CSGALNACT1: variants seen among roughly 807,000 people sequenced by gnomAD.
The protein encoded by CSGALNACT1 is beta4GalNAcT-1.
Under a neutral mutation model 51.0 loss-of-function variants are expected in CSGALNACT1, and 52 were observed. The ratio of observed to expected loss-of-function variants is 1.02; its 90% confidence interval spans 0.82 to 1.29. The LOEUF is 1.29. Ranked by LOEUF, CSGALNACT1 falls within the 50% of genes most tolerant of loss-of-function variation. CSGALNACT1 has a pLI of 0.00. For missense variants in CSGALNACT1, 935 were observed against 679.2 expected (o/e 1.38, Z -4.19); for synonymous variants, 341 against 254.4 (o/e 1.34, Z -3.24).
At chr8:19,618,123 T>A (rs1310865607) in intron 1 of CSGALNACT1, among the ~76,000 whole-genome samples, 1 of 152,016 alleles carries the variant, frequency 6.6e-6, no homozygotes, top group Non-Finnish European at 1.5e-5. Flanking sequence ...AAGTGGTCCT[T>A]CTGCCTCACC....
chr8:19,678,454 C>G (rs1475121374), intron 1 of CSGALNACT1: 2 of 152,114 alleles, frequency 1.3e-5, no homozygotes, highest in Non-Finnish European at 2.9e-5. Flanking sequence ...TCATTTTGTC[C>G]TCATAGCTAA....
At chr8:19,698,311 G>T (rs184278029) in intron 1 of CSGALNACT1, among the ~76,000 whole-genome samples, 1 of 152,346 alleles carries the variant, frequency 6.6e-6, no homozygotes, top group African/African-American at 2.4e-5. Context: ...TTGGGGTTAG[G>T]ATATGGGAGG....
intron 1 of CSGALNACT1, among the ~76,000 whole-genome samples, chr8:19,700,061 G>C (rs1228040803): frequency 6.8e-6 from 1 of 147,720 alleles, no homozygotes; most frequent in Non-Finnish European, 1.5e-5. Context: ...GCAGTGAGCT[G>C]AGATCACACC....
At chr8:19,517,163 C>A (rs1189066082) in intron 3 of CSGALNACT1, among the ~76,000 whole-genome samples, 1 of 152,194 alleles carries the variant, frequency 6.6e-6, no homozygotes, top group Non-Finnish European at 1.5e-5. Context: ...GAGGGCCAGG[C>A]ATGGTGACTC....
At chr8:19,648,493 C>T (rs2057479104) in intron 1 of CSGALNACT1, among the ~76,000 whole-genome samples, 1 of 152,188 alleles carries the variant, frequency 6.6e-6, no homozygotes, top group Admixed American at 6.5e-5. Flanking sequence ...TTCACCAAGG[C>T]TTTTTATGAA....
intron 8 of CSGALNACT1, among the ~76,000 whole-genome samples, chr8:19,409,420 T>C (rs1291287893): frequency 2.0e-5 from 3 of 152,144 alleles, no homozygotes; most frequent in Non-Finnish European, 2.9e-5. Context: ...GCCCAGTCTC[T>C]TACTCTGCAA....
chr8:19,641,102 C>G (rs2056683557), intron 1 of CSGALNACT1, among the ~76,000 whole-genome samples: 2 of 148,822 alleles, frequency 1.3e-5, no homozygotes, highest in South Asian at 4.3e-4. Flanking sequence ...CGGAATCTAC[C>G]TGTATTACCA....
At chr8:19,434,139 A>AT (rs1406083008) in intron 6 of CSGALNACT1, among the ~76,000 whole-genome samples, 2 of 151,994 alleles carry the variant, frequency 1.3e-5, no homozygotes, top group Non-Finnish European at 2.9e-5. Flanking sequence ...AAGTGATTCT[A>AT]TTTTTTTCCA....
chr8:19,671,077 G>A (rs2059762957), intron 1 of CSGALNACT1, among the ~76,000 whole-genome samples: 1 of 152,170 alleles, frequency 6.6e-6, no homozygotes, highest in South Asian at 2.1e-4. Context: ...ACTTGGAGAT[G>A]GTTATTACCA....
At chr8:19,505,314 T>G (rs1267113168) in exon 4 of CSGALNACT1, 1 of 1,614,196 alleles carries the variant, frequency 6.2e-7, no homozygotes, top group East Asian at 2.2e-5. Flanking sequence ...CCGCTTGTCC[T>G]TCCTCACAGG....
intron 3 of CSGALNACT1, among the ~76,000 whole-genome samples, chr8:19,589,686 C>T (rs544594409): frequency 6.6e-6 from 1 of 152,124 alleles, no homozygotes; most frequent in Non-Finnish European, 1.5e-5. Context: ...ATAATCTTAT[C>T]AACTAGATCT....
chr8:19,625,250 C>A (rs1327756121), intron 1 of CSGALNACT1, among the ~76,000 whole-genome samples: 1 of 152,208 alleles, frequency 6.6e-6, no homozygotes, highest in Non-Finnish European at 1.5e-5. Flanking sequence ...CATTAAACTG[C>A]AGTCTATTAA....
intron 4 of CSGALNACT1, among the ~76,000 whole-genome samples, chr8:19,487,038 G>A (rs1337576290): frequency 6.6e-6 from 1 of 152,106 alleles, no homozygotes; most frequent in Non-Finnish European, 1.5e-5. Flanking sequence ...GTTATTTTTG[G>A]GGAAGAAAGT....
intron 3 of CSGALNACT1, among the ~76,000 whole-genome samples, chr8:19,581,113 C>A (rs902541477): frequency 5.9e-5 from 9 of 152,122 alleles, no homozygotes; most frequent in African/African-American, 2.2e-4. Context: ...TTTTCCAAAA[C>A]TGATGAAAGG....
At chr8:19,425,840 G>A (rs577953635) in intron 6 of CSGALNACT1, among the ~76,000 whole-genome samples, 139 of 152,140 alleles carry the variant, frequency 9.1e-4, no homozygotes, top group African/African-American at 3.2e-3. Flanking sequence ...CCTCAAATAC[G>A]CGCTCTGCAT....
chr8:19,540,524 C>T (rs1305116345), intron 3 of CSGALNACT1, among the ~76,000 whole-genome samples: 1 of 152,196 alleles, frequency 6.6e-6, no homozygotes, highest in Non-Finnish European at 1.5e-5. Flanking sequence ...GGGATTATAA[C>T]TTAGCAGAGA....
intron 1 of CSGALNACT1, among the ~76,000 whole-genome samples, chr8:19,628,849 A>T (rs1246799377): frequency 6.6e-6 from 1 of 152,156 alleles, no homozygotes; most frequent in Non-Finnish European, 1.5e-5. Flanking sequence ...ATAGGAGTCA[A>T]CAATATGGGG....
intron 1 of CSGALNACT1, among the ~76,000 whole-genome samples, chr8:19,692,973 T>A (rs1589547419): frequency 6.6e-6 from 1 of 152,204 alleles, no homozygotes; most frequent in African/African-American, 2.4e-5. Flanking sequence ...TCTCGCAGGC[T>A]TGCTCTGCTA....
intron 1 of CSGALNACT1, among the ~76,000 whole-genome samples, chr8:19,736,515 C>T (rs201999680): frequency 7.8e-6 from 1 of 128,050 alleles, no homozygotes; most frequent in South Asian, 2.8e-4. Flanking sequence ...GGTCCCAAAA[C>T]CAAAAAAAAA....
Sources: gnomAD v4.1 joint callset for allele counts (sites outside exome capture counted in the v4.1 genomes callset) on GRCh38, gnomAD v4.1.1 for gene constraint, MANE v1.5 for transcripts, NCBI Gene and HGNC (gene_info 2026-07-23, HGNC 2026-07-21) for gene names.